The following FOCAD variants were observed in gnomAD, a reference collection of about 807,000 sequenced individuals.
FOCAD encodes KIAA1797.
FOCAD carries 198 observed loss-of-function variants against 225.6 expected under a neutral mutation model. The observed-to-expected ratio is 0.88, with a 90% CI of 0.78 to 0.99. FOCAD has a LOEUF of 0.99. FOCAD is among the 50% of genes least tolerant of loss of function. FOCAD has a pLI of 0.00. For synonymous variants in FOCAD, 897 were observed against 755.0 expected, an observed-to-expected ratio of 1.19 and a Z score of -3.08; for missense variants, 2,713 against 2,123.6, an observed-to-expected ratio of 1.28 and a Z score of -5.46.
intron 2 of FOCAD, among the ~76,000 whole-genome samples, chr9:20,674,807 G>T (rs1433996354): frequency 1.3e-5 from 2 of 152,344 alleles, no homozygotes; most frequent in Middle Eastern, 3.4e-3. Flanking sequence ...TGATAGCTGT[G>T]CTTTTCTTCT....
chr9:20,843,428 C>T (rs1481408677), intron 15 of FOCAD, among the ~76,000 whole-genome samples: 1 of 152,076 alleles, frequency 6.6e-6, no homozygotes, highest in East Asian at 1.9e-4. Context: ...TGTCATGCCA[C>T]TCTCTCCTAG....
At chr9:20,702,099 G>GTTATTATTA (rs111348108) in intron 1 of FOCAD, among the ~76,000 whole-genome samples, 1 of 151,074 alleles carries the variant, frequency 6.6e-6, no homozygotes. Flanking sequence ...TATTGTTATT[G>GTTATTATTA]TTATTATTAT....
intron 15 of FOCAD, among the ~76,000 whole-genome samples, chr9:20,824,349 T>C (rs911303653): frequency 2.0e-5 from 3 of 152,128 alleles, no homozygotes; most frequent in Non-Finnish European, 4.4e-5. Context: ...TTTTACTGTT[T>C]TGTTGTATTT....
At chr9:20,755,578 G>A (rs1828976776) in intron 5 of FOCAD, among the ~76,000 whole-genome samples, 1 of 152,082 alleles carries the variant, frequency 6.6e-6, no homozygotes, top group African/African-American at 2.4e-5. Flanking sequence ...ACTTATAAAG[G>A]AAGAATATTG....
At chr9:20,808,275 T>C (rs1822677890) in intron 11 of FOCAD, among the ~76,000 whole-genome samples, 1 of 152,160 alleles carries the variant, frequency 6.6e-6, no homozygotes, top group Non-Finnish European at 1.5e-5. Context: ...TCTTCCTTTT[T>C]CAGTTATTGG....
intron 27 of FOCAD, among the ~76,000 whole-genome samples, chr9:20,931,729 G>A (rs1835490359): frequency 6.6e-6 from 1 of 152,020 alleles, no homozygotes; most frequent in South Asian, 2.1e-4. Context: ...GGCAGATCAT[G>A]TAAGCCCAGG....
upstream of FOCAD, among the ~76,000 whole-genome samples, chr9:20,657,982 G>T (rs1457520452): frequency 3.3e-4 from 47 of 142,022 alleles, no homozygotes; most frequent in Admixed American, 3.6e-4. Flanking sequence ...CTGTTTGTTA[G>T]TTTTCCTTCT....
At chr9:20,982,735 T>C (rs1840811874) in intron 39 of FOCAD, among the ~76,000 whole-genome samples, 1 of 152,210 alleles carries the variant, frequency 6.6e-6, no homozygotes, top group African/African-American at 2.4e-5. Flanking sequence ...AGGTGGTTGA[T>C]TGAAAAGCAA....
Position 20,990,149 on chromosome 9 carries a change from T to C in FOCAD, c.5031T>C (p.Phe1677=), listed in dbSNP as rs1177286752. ...CTTTGGACTTCTTCTTGCTGATATT[T>C]GCAACCGCAGTGGTTGCATGGGCTG... is the stretch of plus-strand genomic sequence containing the variant. The part of the protein sequence containing the change: ...DKALDFFLLI[F]ATAVVAWADH... Residue 1677 remains phenylalanine (F), a synonymous_variant, in exon 42 of 44, where the codon TTT becomes TTC. Transcript: ENST00000338382. 1 of 1,614,236 alleles carries C rather than the reference T, an allele frequency of 6.2e-7. No homozygotes were observed. Among genetic ancestry groups the C allele is most frequent in the East Asian group, 2.2e-5 (1 of 44,888 alleles).
At chr9:20,919,656 C>T (rs565366496) in intron 24 of FOCAD, among the ~76,000 whole-genome samples, 6 of 152,202 alleles carry the variant, frequency 3.9e-5, no homozygotes, top group East Asian at 1.9e-4. Context: ...GAAATAACAC[C>T]GCATATCTAC....
intron 39 of FOCAD, among the ~76,000 whole-genome samples, chr9:20,983,012 G>A (rs1223145166): frequency 2.6e-5 from 4 of 152,146 alleles, no homozygotes; most frequent in African/African-American, 9.7e-5. Context: ...TATAGCTGGT[G>A]GACTTCGTGT....
chr9:20,713,322 A>G (rs372751820), intron 1 of FOCAD, among the ~76,000 whole-genome samples: 4 of 152,098 alleles, frequency 2.6e-5, no homozygotes, highest in South Asian at 4.1e-4. Context: ...GGGCTTAAGC[A>G]ATTTATTAGC....
At chr9:20,887,510 C>T (rs1487859919) in intron 21 of FOCAD, among the ~76,000 whole-genome samples, 1 of 152,210 alleles carries the variant, frequency 6.6e-6, no homozygotes, top group Non-Finnish European at 1.5e-5. Context: ...GCTGGGATTA[C>T]AGGCATGAGC....
At chr9:20,907,114 T>G (rs1272390934) in intron 21 of FOCAD, 36 bp from the exon 22 acceptor site, 2 of 1,458,844 alleles carry the variant, frequency 1.4e-6, no homozygotes, top group South Asian at 2.3e-5. Context: ...TTTAATACTG[T>G]GTAGCCTAAT....
At chr9:20,931,370 G>A (rs938027886) in intron 27 of FOCAD, among the ~76,000 whole-genome samples, 2 of 152,138 alleles carry the variant, frequency 1.3e-5, no homozygotes, top group Non-Finnish European at 2.9e-5. Flanking sequence ...GGGCCTGTGT[G>A]TTAGTAATGC....
chr9:20,789,386 G>T lies in FOCAD; in HGVS notation c.1233G>T (p.Met411Ile). 1.9e-6 allele frequency: 3 copies of T among 1,614,006 alleles called. No individual in the cohort carries two copies. Among genetic ancestry groups the T allele is most frequent in the Non-Finnish European group, 2.5e-6 (3 of 1,179,950 alleles). The change falls in exon 11 of 44, where the codon ATG becomes ATT. Residue 411 changes from methionine (M) to isoleucine (I), a missense_variant. Physicochemically the swap from Met to Ile is conservative, Grantham distance 10 (BLOSUM62 1). Transcript: ENST00000338382. ...SYKLVCPVTS[M>I]YGTIFTAWRI... ...AGCTTGTGTGCCCTGTAACCAGTATGTATGGTACAATATTTACAGCCTGGA... is the reference window on the plus strand; with the variant it reads ...AGCTTGTGTGCCCTGTAACCAGTATTTATGGTACAATATTTACAGCCTGGA...
rs754400031 is a variant in FOCAD at position 20,990,179 on chromosome 9, C to T, written c.5061C>T (p.His1687=). Residue 1687 remains histidine (H), a synonymous_variant, in exon 42 of 44, where the codon CAC becomes CAT. Coordinates refer to ENST00000338382, the MANE Select transcript of FOCAD (RefSeq NM_001375567.1). The part of the protein sequence containing the change: ...FATAVVAWAD[H]TAPLLLGLSA... The stretch of plus-strand genomic sequence containing the variant: ...CCGCAGTGGTTGCATGGGCTGACCA[C>T]ACTGCCCCTCTCCTCCTCGGCCTCA... 8 of 1,614,090 alleles carry T rather than the reference C, an allele frequency of 5.0e-6. No homozygotes were observed. The highest frequency in any genetic ancestry group is 3.3e-5 in the Admixed American group (2 of 60,014).
At chr9:20,908,449 A>G (rs1833165500) in intron 22 of FOCAD, among the ~76,000 whole-genome samples, 1 of 152,122 alleles carries the variant, frequency 6.6e-6, no homozygotes, top group African/African-American at 2.4e-5. Context: ...ATTCTGATAT[A>G]TTAGAAGTGA....
At chr9:20,977,247 A>G (rs1246451579) in intron 36 of FOCAD, among the ~76,000 whole-genome samples, 3 of 152,180 alleles carry the variant, frequency 2.0e-5, no homozygotes, top group African/African-American at 7.2e-5. Flanking sequence ...GCTCACTTAC[A>G]TAATCCAGGA....
Sources: allele counts gnomAD v4.1 joint callset (sites outside exome capture counted in the v4.1 genomes callset), GRCh38; gene constraint gnomAD v4.1.1; transcripts MANE v1.5; gene names NCBI Gene and HGNC (gene_info 2026-07-23, HGNC 2026-07-21).